Variants in TANC2 observed in about 807,000 individuals in gnomAD.
The protein encoded by TANC2 is tetratricopeptide repeat, ankyrin repeat and coiled-coil containing 2, also known as protein TANC2.
Under a neutral mutation model 210.5 loss-of-function variants are expected in TANC2, and 26 were observed. The observed-to-expected ratio is 0.12, with a 90% CI of 0.09 to 0.17. The LOEUF (loss-of-function observed/expected upper bound fraction) is 0.17. Ranked by LOEUF, TANC2 falls within the 10% of genes least tolerant of loss-of-function variation. The pLI is 1.00. For missense variants in TANC2, 2,129 were observed against 2,608.9 expected (o/e 0.82, Z 4.01); for synonymous variants, 931 against 967.1 (o/e 0.96, Z 0.69).
intron 5 of TANC2, among the ~76,000 whole-genome samples, chr17:63,160,960 G>A (rs2040005674): frequency 6.6e-6 from 1 of 152,110 alleles, no homozygotes; most frequent in African/African-American, 2.4e-5. Flanking sequence ...TTGTGTATTT[G>A]ATTTTGTTCA....
chr17:63,348,332 C>T (rs906128615), intron 12 of TANC2, among the ~76,000 whole-genome samples: 1 of 152,114 alleles, frequency 6.6e-6, no homozygotes, highest in African/African-American at 2.4e-5. Context: ...AGAAAGTTCA[C>T]GTATTTGTTA....
At chr17:63,025,652 T>A (rs1473046128) in intron 2 of TANC2, among the ~76,000 whole-genome samples, 1 of 151,588 alleles carries the variant, frequency 6.6e-6, no homozygotes, top group Non-Finnish European at 1.5e-5. Context: ...AAAAATTAGC[T>A]GAGTGTGGTG....
Position 63,223,581 on chromosome 17 carries a change from A to G in TANC2, c.770-14233A>G, listed in dbSNP as rs1049944077. Among the ~76,000 whole-genome samples, 6 of 94,234 alleles carry G rather than the reference A, an allele frequency of 6.4e-5. 1 individual carries two copies. The South Asian group carries it at 1.7e-3, about 27-fold the overall frequency. The allele number at this position is 94,234 out of a possible 152,430, so 61.8% of individuals were successfully genotyped here. A position where few individuals can be genotyped will look rare whatever the true frequency, so the allele number is the denominator to read the frequency against. ...GTACCCACTCTTAATTATTTTATAT[A>G]TAGTGTATATATATATATATATTTA... On this transcript the variant is annotated intron_variant, in intron 7 of 27. Transcript: ENST00000689528.
chr17:63,085,768 T>C (rs1347563907), intron 3 of TANC2, among the ~76,000 whole-genome samples: 1 of 152,162 alleles, frequency 6.6e-6, no homozygotes, highest in African/African-American at 2.4e-5. Context: ...GTTGCTATTA[T>C]TATTTTGAAC....
At chr17:63,073,443 G>T (rs952065894) in intron 2 of TANC2, among the ~76,000 whole-genome samples, 16 of 151,908 alleles carry the variant, frequency 1.1e-4, no homozygotes, top group Admixed American at 5.2e-4. Context: ...ATAAACTCAA[G>T]ATTTATTTGG....
At chr17:63,071,280 T>A (rs1156259100) in intron 2 of TANC2, among the ~76,000 whole-genome samples, 1 of 152,072 alleles carries the variant, frequency 6.6e-6, no homozygotes, top group Non-Finnish European at 1.5e-5. Context: ...ATTTTCTTAA[T>A]AGAGTGTAGA....
chr17:63,371,381 G>A (rs554528814), intron 14 of TANC2, among the ~76,000 whole-genome samples: 2 of 151,762 alleles, frequency 1.3e-5, no homozygotes, highest in African/African-American at 4.8e-5. Flanking sequence ...CAGGAGAATC[G>A]CTTGAACCAG....
chr17:63,346,558 C>T (rs1012502318), intron 12 of TANC2, among the ~76,000 whole-genome samples: 1 of 151,840 alleles, frequency 6.6e-6, no homozygotes, highest in African/African-American at 2.4e-5. Context: ...CCACTTCACA[C>T]CCATTAGAAT....
At chr17:63,411,448 A>G in intron 21 of TANC2, 63 bp from the exon 22 acceptor site, 6 of 1,497,102 alleles carry the variant, frequency 4.0e-6, no homozygotes, top group Non-Finnish European at 5.4e-6. Flanking sequence ...CCTTCAGCGT[A>G]CTTCCCCTCC....
In TANC2 at chr17:63,420,669, C is replaced by T. The variant is rs373436341; in HGVS notation, c.4939C>T (p.Arg1647Cys). The stretch of plus-strand genomic sequence containing the variant: ...TAGATCCCAGTCTGGTTCACCCGTG[C>T]GCTATCAGCAGGAAACAAGCGTCAG... Residue 1647 changes from arginine (R) to cysteine (C), a missense_variant, in exon 28 of 28, where the codon CGC becomes TGC. Arg to Cys is a radical substitution (Grantham distance 180). Coordinates refer to ENST00000689528, the Ensembl canonical transcript of TANC2. This position sits in a 1 kb window ranked among gnomAD's most constrained non-coding sequence, Gnocchi z 4.2. The T allele has an allele frequency of 5.0e-6, 8 of 1,613,456 alleles. No homozygotes were observed. The highest frequency in any genetic ancestry group is 5.9e-6 in the Non-Finnish European group (7 of 1,179,666).
At chr17:62,984,753 GT>G in intron 1 of TANC2, among the ~76,000 whole-genome samples, 1 of 151,896 alleles carries the variant, frequency 6.6e-6, no homozygotes, top group Non-Finnish European at 1.5e-5. Context: ...TTATTTCCAT[GT>G]GTTTGTATAG....
intron 14 of TANC2, among the ~76,000 whole-genome samples, chr17:63,367,726 G>A (rs1371879848): frequency 1.3e-5 from 2 of 152,196 alleles, no homozygotes; most frequent in Admixed American, 1.3e-4. Context: ...ACAAGGAGGA[G>A]TGAGAACATA....
intron 15 of TANC2, 39 bp downstream of exon 15, chr17:63,379,865 A>G (rs2047549072): frequency 6.5e-7 from 1 of 1,529,778 alleles, no homozygotes; most frequent in Non-Finnish European, 9.0e-7. Flanking sequence ...CGCCATCTCT[A>G]GCAGACTTTC....
chr17:63,413,303 C>T (rs1432605003), intron 24 of TANC2: 1 of 381,928 alleles, frequency 2.6e-6, no homozygotes, highest in Non-Finnish European at 4.7e-6. Context: ...GCTTTGCTGC[C>T]CTCGCGTGGG....
chr17:63,355,400 AT>A lies in TANC2; in HGVS notation c.2582+11del. On this transcript the variant is annotated intron_variant, in intron 14 of 27. Coordinates refer to ENST00000689528, the Ensembl canonical transcript of TANC2. ...TTCTCTGTGATCCGAGGTAAGACAT[AT>A]ATCTGTGATAAACAATTCTGAGTCT... 6.5e-7 allele frequency: 1 copy of A among 1,543,760 alleles called. No homozygotes were observed. Among genetic ancestry groups the A allele is most frequent in the Non-Finnish European group, 8.7e-7 (1 of 1,153,182 alleles).
At chr17:63,192,422 G>A (rs933360897) in intron 5 of TANC2, among the ~76,000 whole-genome samples, 4 of 152,116 alleles carry the variant, frequency 2.6e-5, no homozygotes, top group Non-Finnish European at 4.4e-5. Context: ...ACCTCCATTC[G>A]ATTACCTTAC....
chr17:63,100,175 T>G (rs1242966754), intron 4 of TANC2, among the ~76,000 whole-genome samples: 3 of 152,294 alleles, frequency 2.0e-5, no homozygotes, highest in Non-Finnish European at 4.4e-5. Flanking sequence ...GTTTCCTGTC[T>G]GACATTGAGC....
At chr17:63,222,493 T>G (rs1013426163) in intron 7 of TANC2, among the ~76,000 whole-genome samples, 2 of 152,194 alleles carry the variant, frequency 1.3e-5, no homozygotes, top group African/African-American at 4.8e-5. Context: ...ATTCTATTTG[T>G]GTGAAATTCT....
chr17:63,210,247 C>G (rs2041843749), intron 7 of TANC2, among the ~76,000 whole-genome samples: 1 of 152,228 alleles, frequency 6.6e-6, no homozygotes, highest in African/African-American at 2.4e-5. Context: ...ATGACTCTCT[C>G]TGTTCCTTGA....
Sources: gnomAD v4.1 joint callset for allele counts (sites outside exome capture counted in the v4.1 genomes callset) on GRCh38, gnomAD v4.1.1 for gene constraint, Gnocchi (gnomAD v3.1) non-coding constraint, MANE v1.5 for transcripts, NCBI Gene and HGNC (gene_info 2026-07-23, HGNC 2026-07-21) for gene names.